Variants in PLXNA2 observed in about 807,000 individuals in gnomAD.
PLXNA2 encodes the protein plexin-A2.
A neutral mutation model predicts 193.5 loss-of-function variants in PLXNA2; 91 were observed. That is an observed-to-expected ratio of 0.47 (90% CI 0.40 to 0.56). PLXNA2 has a LOEUF of 0.56. Among genes scored for constraint, PLXNA2 ranks in the 20% least tolerant of loss-of-function variants. PLXNA2 has a pLI of 0.00. For synonymous variants in PLXNA2, 997 were observed against 1,027.3 expected, an observed-to-expected ratio of 0.97 and a Z score of 0.56; for missense variants, 1,995 against 2,503.2, an observed-to-expected ratio of 0.80 and a Z score of 4.33.
At chr1:208,139,273 G>C (rs1420115978) in intron 4 of PLXNA2, among the ~76,000 whole-genome samples, 1 of 152,102 alleles carries the variant, frequency 6.6e-6, no homozygotes, top group Non-Finnish European at 1.5e-5. Flanking sequence ...GAGAAGTTGA[G>C]GGCCCAGGTT....
intron 4 of PLXNA2, among the ~76,000 whole-genome samples, chr1:208,128,751 G>A (rs1281621251): frequency 7.0e-6 from 1 of 143,196 alleles, no homozygotes; most frequent in African/African-American, 2.6e-5. Flanking sequence ...CCCCAGGCTG[G>A]AGTGCAGTGG....
At position 208,051,249 on chromosome 1, in the gene PLXNA2, A is replaced by C; in HGVS notation, c.3161+7T>G. ...TCCAGGTGCATCCCTCCCACCTTCC[A>C]CCTCACCTGGCAATGCTCCACTCTG... On this transcript the variant is annotated splice_region_variant and intron_variant, in intron 16 of 31. Transcript: ENST00000367033. The C allele has an allele frequency of 6.2e-7, 1 of 1,601,446 alleles. No homozygotes were observed. Among genetic ancestry groups the C allele is most frequent in the Non-Finnish European group, 8.5e-7 (1 of 1,172,074 alleles).
At chr1:208,101,829 A>G (rs2102416206) in intron 5 of PLXNA2, among the ~76,000 whole-genome samples, 1 of 152,302 alleles carries the variant, frequency 6.6e-6, no homozygotes, top group Middle Eastern at 3.4e-3. Flanking sequence ...GCTGGACATG[A>G]CCACTGCAGA....
At chr1:208,137,109 C>T (rs1057357620) in intron 4 of PLXNA2, among the ~76,000 whole-genome samples, 8 of 152,148 alleles carry the variant, frequency 5.3e-5, no homozygotes, top group Non-Finnish European at 1.0e-4. Context: ...TTTGCCTCTC[C>T]AGGCCTTGAA....
intron 4 of PLXNA2, among the ~76,000 whole-genome samples, chr1:208,109,571 G>C (rs950222286): frequency 2.6e-5 from 4 of 152,224 alleles, no homozygotes. Flanking sequence ...ACTCCCCAGA[G>C]AGGAAGAGAG....
chr1:208,209,181 G>A (rs577963758), intron 3 of PLXNA2, among the ~76,000 whole-genome samples: 1 of 152,294 alleles, frequency 6.6e-6, no homozygotes, highest in East Asian at 1.9e-4. Flanking sequence ...ACCAGAAGAA[G>A]CCTGGAGGGT....
At chr1:208,156,771 A>G (rs1668951931) in intron 3 of PLXNA2, among the ~76,000 whole-genome samples, 1 of 152,192 alleles carries the variant, frequency 6.6e-6, no homozygotes, top group Non-Finnish European at 1.5e-5. Context: ...CATTTTATTC[A>G]ACTTTTAGCA....
chr1:208,157,791 C>G (rs1668983233), intron 3 of PLXNA2, among the ~76,000 whole-genome samples: 1 of 152,184 alleles, frequency 6.6e-6, no homozygotes, highest in Admixed American at 6.5e-5. Context: ...CATAATAAAG[C>G]TCTGTAATTA....
rs114977385 is a variant in PLXNA2 at position 208,163,709 on chromosome 1, T to C, written c.1372-21246A>G. On this transcript the variant is annotated intron_variant, in intron 3 of 31. Coordinates refer to ENST00000367033, the MANE Select transcript of PLXNA2 (RefSeq NM_025179.4). ...TAGTTACAGGTTCCCATGCTGCTTA[T>C]TGAACTTTGGACATCTCTACAACAC... 3.2e-3 allele frequency among the ~76,000 whole-genome samples: 495 copies of C among 152,362 alleles called. 3 individuals carry two copies. The highest frequency in any genetic ancestry group is 0.011 in the African/African-American group (469 of 41,576).
At position 208,217,844 on chromosome 1, in the gene PLXNA2, G is replaced by A; in HGVS notation, c.79C>T (p.Leu27=). 9 of 1,613,994 alleles carry A rather than the reference G, an allele frequency of 5.6e-6. No homozygotes were observed. Among genetic ancestry groups the A allele is most frequent in the Non-Finnish European group, 7.6e-6 (9 of 1,180,024 alleles). Residue 27 remains leucine, a synonymous_variant, in exon 2 of 32, where the codon CTG becomes TTG. Transcript: ENST00000367033. The surrounding 1 kb of genome is among the most constrained non-coding windows in gnomAD (Gnocchi z 4.7). ...ATGCCGGCTGCTGGGGGGGCCAGCA[G>A]CACCCAGACCACTGAGAGCAGGACC... ...SVVLLSVVWV[L]LAPPAAGMPQ...
intron 1 of PLXNA2, among the ~76,000 whole-genome samples, chr1:208,232,046 G>C (rs1210042372): frequency 6.6e-6 from 1 of 152,216 alleles, no homozygotes; most frequent in African/African-American, 2.4e-5. Context: ...AATGTTTAGA[G>C]GAAAAGGCCT....
chr1:208,173,909 C>T (rs536655260), intron 3 of PLXNA2, among the ~76,000 whole-genome samples: 2 of 152,336 alleles, frequency 1.3e-5, no homozygotes, highest in South Asian at 4.1e-4. Context: ...TTTCCTCTGC[C>T]CCTCCTGGGA....
chr1:208,060,273 G>A (rs569066586), intron 13 of PLXNA2, among the ~76,000 whole-genome samples: 8 of 152,164 alleles, frequency 5.3e-5, no homozygotes, highest in Non-Finnish European at 8.8e-5. Flanking sequence ...TTGCTCCAGC[G>A]GAGGCCCTGC....
At chr1:208,190,684 A>C (rs1670151324) in intron 3 of PLXNA2, among the ~76,000 whole-genome samples, 1 of 152,226 alleles carries the variant, frequency 6.6e-6, no homozygotes, top group African/African-American at 2.4e-5. Context: ...CAATGAAAAG[A>C]CATCGCCAGA....
intron 4 of PLXNA2, among the ~76,000 whole-genome samples, chr1:208,109,195 C>G (rs986077349): frequency 2.6e-5 from 4 of 152,196 alleles, no homozygotes; most frequent in East Asian, 3.9e-4. Flanking sequence ...GCCTCATCAA[C>G]AGCCTCCTGG....
Position 208,216,818 on chromosome 1 carries a change from C to T in PLXNA2, c.1105G>A (p.Glu369Lys), listed in dbSNP as rs1671144556. The change falls in exon 2 of 32, where the codon GAG becomes AAG. Residue 369 changes from glutamate (E) to lysine (K), a missense_variant. Glu to Lys is a moderately conservative substitution (Grantham distance 56). Around this residue, in one of 3 missense-constraint regions of PLXNA2, gnomAD observed 702 missense variants for 812.9 expected, o/e 0.86. Coordinates refer to ENST00000367033, the MANE Select transcript of PLXNA2 (RefSeq NM_025179.4). Reference protein sequence around the residue: ...PIRAINLQIKERLQSCYQGEG... With the variant: ...PIRAINLQIKKRLQSCYQGEG... ...CCCTGGTAGCAGGACTGCAGGCGCT[C>T]CTTGATCTGCAAGTTGATGGCCCGG... 3 of 1,614,172 alleles carry T rather than the reference C, an allele frequency of 1.9e-6. No homozygotes were observed. The East Asian group carries it at 6.7e-5, about 36-fold the overall frequency.
chr1:208,119,319 G>A (rs1175712337), intron 4 of PLXNA2, among the ~76,000 whole-genome samples: 2 of 152,174 alleles, frequency 1.3e-5, no homozygotes, highest in Non-Finnish European at 2.9e-5. Context: ...TTGTCTAGGA[G>A]AGCAACAAAG....
rs1225570804 is a variant in PLXNA2, at chr1:208,060,700, G to A, written c.2724C>T (p.Tyr908=). ...GVPCTPLPGE[Y]IIAEQIVCEM... ...GGCGGACTCACTGCTCAGCGATGAT[G>A]TATTCCCCTGGGAGGGGCGTGCAGG... The change falls in exon 13 of 32, where the codon TAC becomes TAT. Residue 908 remains tyrosine, a synonymous_variant. Coordinates refer to ENST00000367033, the MANE Select transcript of PLXNA2 (RefSeq NM_025179.4). 1 of 1,613,748 alleles carries A rather than the reference G, an allele frequency of 6.2e-7. No individual in the cohort carries two copies. The highest frequency in any genetic ancestry group is 1.3e-5 in the African/African-American group (1 of 75,032).
chr1:208,182,189 C>T (rs571385430), intron 3 of PLXNA2, among the ~76,000 whole-genome samples: 2 of 152,302 alleles, frequency 1.3e-5, no homozygotes, highest in African/African-American at 4.8e-5. Flanking sequence ...AAACCCAGCA[C>T]TTTGGGAGGC....
Sources: gnomAD v4.1 joint callset for allele counts (sites outside exome capture counted in the v4.1 genomes callset) on GRCh38, gnomAD v4.1.1 for gene constraint, gnomAD v4.1.1 regional missense constraint, Gnocchi (gnomAD v3.1) non-coding constraint, MANE v1.5 for transcripts, NCBI Gene and HGNC (gene_info 2026-07-23, HGNC 2026-07-21) for gene names.